The following MAP2K3 variants were observed in gnomAD, a reference collection of about 807,000 sequenced individuals.
MAP2K3 encodes the protein mitogen-activated protein kinase kinase 3.
In MAP2K3, 30 loss-of-function variants were observed where a neutral mutation model predicts 46.4. The observed-to-expected ratio is 0.65, with a 90% confidence interval of 0.48 to 0.88. The LOEUF is 0.88. Among genes scored for constraint, MAP2K3 ranks in the 40% least tolerant of loss-of-function variants. The probability of loss-of-function intolerance (pLI) is 0.00; values close to 1 mark genes in which losing one functional copy is unlikely to be tolerated. For missense variants in MAP2K3, 380 were observed against 464.5 expected, an observed-to-expected ratio of 0.82 and a Z score of 1.67; for synonymous variants, 189 against 176.3, an observed-to-expected ratio of 1.07 and a Z score of -0.57.
intron 8 of MAP2K3, 134 bp downstream of exon 8, chr17:21,304,687 G>T (rs1054516272): frequency 2.7e-5 from 38 of 1,411,160 alleles, no homozygotes; most frequent in Non-Finnish European, 3.5e-5. Flanking sequence ...GCTGTAGTGG[G>T]GCCACCTGTG....
chr17:21,297,586 G>A (rs981198225), intron 1 of MAP2K3, among the ~76,000 whole-genome samples: 16 of 152,296 alleles, frequency 1.1e-4, no homozygotes, highest in Non-Finnish European at 2.2e-4. Flanking sequence ...TTCAAAGGGC[G>A]GCCCTGACTA....
chr17:21,284,777 C>T lies in MAP2K3; in HGVS notation c.-144C>T. On this transcript the variant is annotated 5_prime_UTR_variant, in exon 1 of 12. Coordinates refer to ENST00000342679, the MANE Select transcript of MAP2K3 (RefSeq NM_145109.3). Reference sequence around the variant, plus strand: ...GCAGTCGCCGCCGCAGTCCTCGCCGCAGTCGCCGCCGCCGCCGCCGCCGCC... The same window carrying T: ...GCAGTCGCCGCCGCAGTCCTCGCCGTAGTCGCCGCCGCCGCCGCCGCCGCC... 1.2e-6 allele frequency: 1 copy of T among 866,086 alleles called. No individual in the cohort carries two copies. Among genetic ancestry groups the T allele is most frequent in the Non-Finnish European group, 1.7e-6 (1 of 596,406 alleles). 53.7% of individuals were successfully genotyped at this position (866,086 alleles called of 1,614,324 possible). A position where few individuals can be genotyped will look rare whatever the true frequency, so the allele number is the denominator to read the frequency against.
chr17:21,296,120 G>A (rs1199579319), intron 1 of MAP2K3: 1 of 1,289,480 alleles, frequency 7.8e-7, no homozygotes, highest in Non-Finnish European at 1.0e-6. Flanking sequence ...CCATTTATGG[G>A]CCACAACAGG....
chr17:21,312,433 G>A, intron 10 of MAP2K3, 152 bp downstream of exon 10: 2 of 729,784 alleles, frequency 2.7e-6, no homozygotes, highest in South Asian at 5.3e-5. Flanking sequence ...TGGAGCATGA[G>A]GAGCATTTGA....
At chr17:21,307,232 A>G (rs1245760386) in intron 9 of MAP2K3, among the ~76,000 whole-genome samples, 1 of 152,306 alleles carries the variant, frequency 6.6e-6, no homozygotes, top group African/African-American at 2.4e-5. Flanking sequence ...ACCCTGAGTC[A>G]CCTCATTAGC....
intron 1 of MAP2K3, among the ~76,000 whole-genome samples, chr17:21,287,637 T>C (rs2144440837): frequency 6.6e-6 from 1 of 152,332 alleles, no homozygotes; most frequent in East Asian, 1.9e-4. Flanking sequence ...CACATGGCCA[T>C]CTCTGGCTGG....
intron 1 of MAP2K3, among the ~76,000 whole-genome samples, chr17:21,293,709 G>A (rs1034513557): frequency 1.3e-5 from 2 of 152,166 alleles, no homozygotes; most frequent in African/African-American, 4.8e-5. Flanking sequence ...GTGGAGGGCA[G>A]AGCCTTGGTC....
At chr17:21,292,126 A>T (rs975272557) in intron 1 of MAP2K3, among the ~76,000 whole-genome samples, 1 of 152,306 alleles carries the variant, frequency 6.6e-6, no homozygotes, top group African/African-American at 2.4e-5. Flanking sequence ...TCTGCACTGG[A>T]CAGTCTCTGG....
chr17:21,295,027 A>G (rs1156801556), intron 1 of MAP2K3, among the ~76,000 whole-genome samples: 2 of 152,310 alleles, frequency 1.3e-5, no homozygotes, highest in Admixed American at 1.3e-4. Flanking sequence ...CCACAGGGAG[A>G]GCCGGTCACT....
intron 1 of MAP2K3, among the ~76,000 whole-genome samples, chr17:21,287,165 C>G (rs1975745270): frequency 6.6e-6 from 1 of 152,236 alleles, no homozygotes; most frequent in African/African-American, 2.4e-5. Context: ...GGGGTGCCCC[C>G]ACCCCTGGCC....
At chr17:21,288,109 G>A (rs969575647) in intron 1 of MAP2K3, 7 of 1,288,734 alleles carry the variant, frequency 5.4e-6, no homozygotes, top group African/African-American at 3.0e-5. Context: ...AGCGGGCACT[G>A]GGTGCTGACT....
chr17:21,284,842 GC>G lies in MAP2K3; in HGVS notation c.-77del, dbSNP rs532494635. 2.4e-4 allele frequency: 360 copies of G among 1,507,798 alleles called. 4 individuals are homozygous for G. In the South Asian group the frequency reaches 4.1e-3, roughly 17 times the overall value. The allele number at this position is 1,507,798 out of a possible 1,614,324, so 93.4% of individuals were successfully genotyped here. A position where few individuals can be genotyped will look rare whatever the true frequency, so the allele number is the denominator to read the frequency against. On this transcript the variant is annotated 5_prime_UTR_variant, in exon 1 of 12. Coordinates refer to ENST00000342679, the MANE Select transcript of MAP2K3 (RefSeq NM_145109.3). Reference sequence around the variant, plus strand: ...GCCTGGCCTGGGCCGTCTGCCCGCAGCCATGAGCGTGCTCGGCCCCGGTGGA... The same window carrying G: ...GCCTGGCCTGGGCCGTCTGCCCGCAGCATGAGCGTGCTCGGCCCCGGTGGA...
intron 1 of MAP2K3, chr17:21,291,308 C>CAATACAATAG (rs1452667537): frequency 7.3e-5 from 2 of 27,276 alleles, no homozygotes; most frequent in African/African-American, 2.6e-4. Context: ...CAATAGAATA[C>CAATACAATAG]AATACAATAG....
In MAP2K3 at chr17:21,299,121, G is replaced by A. The variant is rs1313569422; in HGVS notation, c.165+195G>A. On this transcript the variant is annotated intron_variant, in intron 3 of 11. Coordinates refer to ENST00000342679, the MANE Select transcript of MAP2K3 (RefSeq NM_145109.3). ...TCTTTGACCCTCCTGGTGGGAATGA[G>A]GACCATCGGCTGCCTGACTGGAGCT... Among the ~76,000 whole-genome samples the A allele has an allele frequency of 4.6e-5, 7 of 152,424 alleles. No homozygotes were observed. In the East Asian group the frequency reaches 1.2e-3, roughly 25 times the overall value.
chr17:21,285,619 C>T (rs960945958), intron 1 of MAP2K3, among the ~76,000 whole-genome samples: 3 of 152,184 alleles, frequency 2.0e-5, no homozygotes, highest in South Asian at 2.1e-4. Flanking sequence ...CTCCCAGGAA[C>T]CTTCCTTGTC....
chr17:21,288,844 C>A (rs796531170), intron 1 of MAP2K3, among the ~76,000 whole-genome samples: 50 of 152,314 alleles, frequency 3.3e-4, no homozygotes, highest in African/African-American at 1.1e-3. Context: ...GGGTCCTGGG[C>A]TCTGCTGGGA....
At chr17:21,293,171 T>C (rs1483684945) in intron 1 of MAP2K3, among the ~76,000 whole-genome samples, 7 of 152,304 alleles carry the variant, frequency 4.6e-5, no homozygotes, top group African/African-American at 1.7e-4. Flanking sequence ...TTGATGGCCA[T>C]GGGGCATGGA....
intron 1 of MAP2K3, among the ~76,000 whole-genome samples, chr17:21,290,808 G>C (rs1422447059): frequency 2.0e-5 from 3 of 152,302 alleles, no homozygotes; most frequent in Non-Finnish European, 4.4e-5. Context: ...AAGATTAGCT[G>C]GGCATGGTGG....
chr17:21,305,457 T>C (rs1403614636), intron 9 of MAP2K3, among the ~76,000 whole-genome samples: 1 of 152,280 alleles, frequency 6.6e-6, no homozygotes, highest in African/African-American at 2.4e-5. Flanking sequence ...AAAAGCAAGA[T>C]GGTAAAGATC....
Sources: allele counts gnomAD v4.1 joint callset (sites outside exome capture counted in the v4.1 genomes callset), GRCh38; gene constraint gnomAD v4.1.1; transcripts MANE v1.5; gene names NCBI Gene and HGNC (gene_info 2026-07-23, HGNC 2026-07-21).